The following TMEM135 variants were observed in gnomAD, a reference collection of about 807,000 sequenced individuals.
TMEM135 encodes transmembrane protein 135, also known as peroxisomal membrane protein 52.
Under a neutral mutation model 60.3 loss-of-function variants are expected in TMEM135, and 30 were observed. That is an observed-to-expected ratio of 0.50 (90% CI 0.37 to 0.68). TMEM135 has a LOEUF of 0.68. TMEM135 is among the 30% of genes least tolerant of loss of function. The pLI is 0.00. For missense variants in TMEM135, 468 were observed against 548.8 expected (o/e 0.85, Z 1.47); for synonymous variants, 190 against 186.7 (o/e 1.02, Z -0.14).
chr11:87,061,176 G>T (rs1328806607), intron 1 of TMEM135, among the ~76,000 whole-genome samples: 2 of 152,064 alleles, frequency 1.3e-5, no homozygotes, highest in African/African-American at 4.8e-5. Flanking sequence ...AAAAATTCTG[G>T]AACTAACATA....
intron 4 of TMEM135, among the ~76,000 whole-genome samples, chr11:87,102,120 A>G (rs1857471896): frequency 6.6e-6 from 1 of 152,208 alleles, no homozygotes; most frequent in African/African-American, 2.4e-5. Context: ...ATTTAATTCT[A>G]ATACTGTCTA....
intron 6 of TMEM135, among the ~76,000 whole-genome samples, chr11:87,256,717 C>CAA (rs1689867503): frequency 6.6e-6 from 1 of 152,058 alleles, no homozygotes; most frequent in South Asian, 2.1e-4. Context: ...TATGATTGAA[C>CAA]AAAATAATAA....
chr11:87,170,716 G>C (rs746690450), intron 5 of TMEM135, among the ~76,000 whole-genome samples: 1 of 152,144 alleles, frequency 6.6e-6, no homozygotes, highest in African/African-American at 2.4e-5. Flanking sequence ...CCTGTATGAG[G>C]TGTCTGTTGA....
intron 4 of TMEM135, 103 bp downstream of exon 4, chr11:87,091,498 G>A: frequency 8.8e-7 from 1 of 1,131,878 alleles, no homozygotes; most frequent in East Asian, 2.5e-5. Context: ...TTGTATTTGA[G>A]GATAATCTTC....
chr11:87,271,292 T>C (rs1392579397), intron 6 of TMEM135, among the ~76,000 whole-genome samples: 1 of 152,262 alleles, frequency 6.6e-6, no homozygotes, highest in Non-Finnish European at 1.5e-5. Context: ...ATTAATGTAC[T>C]ATGAATTTTT....
At chr11:87,287,984 AAT>A (rs1421535607) in intron 6 of TMEM135, among the ~76,000 whole-genome samples, 2 of 152,184 alleles carry the variant, frequency 1.3e-5, no homozygotes, top group African/African-American at 4.8e-5. Flanking sequence ...CTGTACAAAT[AAT>A]ATATAAATTT....
At chr11:87,156,977 A>C (rs1192704562) in intron 4 of TMEM135, among the ~76,000 whole-genome samples, 1 of 151,978 alleles carries the variant, frequency 6.6e-6, no homozygotes, top group Non-Finnish European at 1.5e-5. Flanking sequence ...TGTGATTATG[A>C]TATTTCTGGG....
At position 87,324,667 on chromosome 11, in the gene TMEM135, G is replaced by A. The variant is rs778876268; in HGVS notation, c.*3334G>A. 4.4e-6 allele frequency: 2 copies of A among 453,058 alleles called. No homozygotes were observed. The highest frequency in any genetic ancestry group is 8.8e-6 in the Non-Finnish European group (2 of 226,616). The allele number at this position is 453,058 out of a possible 1,614,324, so 28.1% of individuals were successfully genotyped here. On this transcript the variant is annotated 3_prime_UTR_variant, in exon 15 of 15. Transcript: ENST00000305494. ...GCTGGTCTTAAACTCCTGGCCTCAA[G>A]TGATCCTCTTGGGTTGGCCTCCCGG... is the stretch of plus-strand genomic sequence containing the variant.
At chr11:87,166,849 A>G (rs370716573) in intron 5 of TMEM135, among the ~76,000 whole-genome samples, 11 of 151,360 alleles carry the variant, frequency 7.3e-5, no homozygotes, top group South Asian at 2.1e-4. Flanking sequence ...AAGAAAGTCA[A>G]TGGTAGCTTG....
intron 6 of TMEM135, among the ~76,000 whole-genome samples, chr11:87,247,366 A>G (rs1941306184): frequency 6.6e-6 from 1 of 152,200 alleles, no homozygotes; most frequent in Non-Finnish European, 1.5e-5. Flanking sequence ...TGCTGGGAGA[A>G]CCACTACTGT....
Position 87,116,067 on chromosome 11 carries a change from C to T in TMEM135, c.396+24672C>T, listed in dbSNP as rs182624675. Among the ~76,000 whole-genome samples, 543 of 152,108 alleles carry T rather than the reference C, an allele frequency of 3.6e-3. 5 individuals carry two copies. The highest frequency in any genetic ancestry group is 0.012 in the African/African-American group (480 of 41,516). On this transcript the variant is annotated intron_variant, in intron 4 of 14. Transcript: ENST00000305494. ...ATAGAATTACTTTTCATTTGTAACT[C>T]TTGAAGAAAATCAGTTAACATTCAT...
chr11:87,212,559 T>G (rs1940395538), intron 5 of TMEM135, among the ~76,000 whole-genome samples: 1 of 152,104 alleles, frequency 6.6e-6, no homozygotes. Flanking sequence ...TAGTGGCTCA[T>G]GCCTATAATT....
At chr11:87,292,644 A>G (rs950270703) in intron 6 of TMEM135, among the ~76,000 whole-genome samples, 1 of 152,150 alleles carries the variant, frequency 6.6e-6, no homozygotes, top group Non-Finnish European at 1.5e-5. Flanking sequence ...TCATATTACT[A>G]TTTTAAAGAT....
intron 6 of TMEM135, among the ~76,000 whole-genome samples, chr11:87,294,695 T>TAGA (rs1942319953): frequency 6.6e-6 from 1 of 152,214 alleles, no homozygotes; most frequent in African/African-American, 2.4e-5. Context: ...GGCCTTACTC[T>TAGA]TTATCTAAGA....
intron 4 of TMEM135, among the ~76,000 whole-genome samples, chr11:87,145,466 A>G (rs547823987): frequency 2.6e-5 from 4 of 152,190 alleles, no homozygotes; most frequent in Non-Finnish European, 5.9e-5. Context: ...TTGCTGGGTC[A>G]TATGGCAGTT....
chr11:87,178,715 C>A (rs1192378027), intron 5 of TMEM135, among the ~76,000 whole-genome samples: 2 of 152,114 alleles, frequency 1.3e-5, no homozygotes, highest in African/African-American at 4.8e-5. Context: ...TGTGAGCCAC[C>A]ATGCCTGTCC....
rs566747564 is a variant in TMEM135 at position 87,138,277 on chromosome 11, G to A, written c.397-19064G>A. Reference sequence around the variant, plus strand: ...GGCTAATTTTTGTATTTTTAATAGAGATGGGGTTTCACCATGTTGGCCAGG... The same window carrying A: ...GGCTAATTTTTGTATTTTTAATAGAAATGGGGTTTCACCATGTTGGCCAGG... On this transcript the variant is annotated intron_variant, in intron 4 of 14. Transcript: ENST00000305494. Among the ~76,000 whole-genome samples, 3 of 152,106 alleles carry A rather than the reference G, an allele frequency of 2.0e-5. No homozygotes were observed. The East Asian group carries it at 5.8e-4, about 29-fold the overall frequency.
chr11:87,071,554 C>T lies in TMEM135; in HGVS notation c.301C>T (p.Pro101Ser). 1.2e-6 allele frequency: 2 copies of T among 1,613,978 alleles called. No individual in the cohort carries two copies. The highest frequency in any genetic ancestry group is 1.7e-6 in the Non-Finnish European group (2 of 1,179,974). Reference protein sequence around the residue: ...KILGKFYSWTPGFGAALPASY... With the variant: ...KILGKFYSWTSGFGAALPASY... ...ACTTGGAAAATTCTACTCATGGACTCCTGGCTTTGGTGCCGCTCTGCCAGC... is the reference window on the plus strand; with the variant it reads ...ACTTGGAAAATTCTACTCATGGACTTCTGGCTTTGGTGCCGCTCTGCCAGC... The change falls in exon 3 of 15, where the codon CCT becomes TCT. Residue 101 changes from proline to serine, a missense_variant. Coordinates refer to ENST00000305494, the MANE Select transcript of TMEM135 (RefSeq NM_022918.4).
intron 5 of TMEM135, among the ~76,000 whole-genome samples, chr11:87,222,181 C>CAAAAAAAA (rs386374401): frequency 2.3e-4 from 13 of 55,478 alleles, no homozygotes; most frequent in African/African-American, 6.8e-4. Context: ...GACTCTGTCT[C>CAAAAAAAA]AAAAAAAAAA....
Sources: gnomAD v4.1 joint callset for allele counts (sites outside exome capture counted in the v4.1 genomes callset) on GRCh38, gnomAD v4.1.1 for gene constraint, MANE v1.5 for transcripts, NCBI Gene and HGNC (gene_info 2026-07-23, HGNC 2026-07-21) for gene names.